STN1: variants seen among roughly 807,000 people sequenced by gnomAD.
STN1 encodes STN1 subunit of CST complex.
STN1 carries 29 observed loss-of-function variants against 45.5 expected under a neutral mutation model. The observed-to-expected ratio is 0.64, with a 90% CI of 0.47 to 0.87. STN1 has a LOEUF of 0.87. Ranked by LOEUF, STN1 falls within the 40% of genes least tolerant of loss-of-function variation. STN1 has a pLI of 0.00. For missense variants in STN1, 376 were observed against 441.4 expected (o/e 0.85, Z 1.33); for synonymous variants, 148 against 159.0 (o/e 0.93, Z 0.52).
At chr10:103,904,137 T>C (rs2134369680) in intron 4 of STN1, among the ~76,000 whole-genome samples, 1 of 152,286 alleles carries the variant, frequency 6.6e-6, no homozygotes, top group South Asian at 2.1e-4. Context: ...AGTAGATAGA[T>C]ACTAGATGTT....
intron 5 of STN1, among the ~76,000 whole-genome samples, chr10:103,899,615 A>G (rs2134366308): frequency 6.6e-6 from 1 of 152,282 alleles, no homozygotes; most frequent in South Asian, 2.1e-4. Context: ...TGAGCCCAGG[A>G]ATTTGAGGCT....
chr10:103,877,720 A>C lies in STN1; in HGVS notation c.*4964T>G, dbSNP rs1291571840. 1 of 152,254 alleles carries C rather than the reference A, an allele frequency of 6.6e-6. No individual in the cohort carries two copies. The highest frequency in any genetic ancestry group is 2.4e-5 in the African/African-American group (1 of 41,478). The allele number at this position is 152,254 out of a possible 1,614,324, so 9.4% of individuals were successfully genotyped here. ...GTTTGAGCTCACATTTACAGCCTCC[A>C]CCAGCAGAAATCATGCAAATAAGAA... On this transcript the variant is annotated 3_prime_UTR_variant, in exon 10 of 10. Coordinates refer to ENST00000224950, the MANE Select transcript of STN1 (RefSeq NM_024928.5).
rs1210351560 is a variant in STN1, at chr10:103,898,983, C to G, written c.475G>C (p.Val159Leu). 6.2e-7 allele frequency: 1 copy of G among 1,614,004 alleles called. No individual in the cohort carries two copies. The highest frequency in any genetic ancestry group is 8.5e-7 in the Non-Finnish European group (1 of 1,179,996). The change falls in exon 6 of 10, where the codon GTG (valine) becomes CTG (leucine). Residue 159 changes from valine to leucine, a missense_variant. Coordinates refer to ENST00000224950, the MANE Select transcript of STN1 (RefSeq NM_024928.5). ...ATCCTTGCAATTTGAATGTTCCACA[C>G]TGGGTCGTCCACTTTATCTAACAAG... is the stretch of plus-strand genomic sequence containing the variant. ...ATTYYKVDDP[V>L]WNIQIARMLE...
At chr10:103,901,027 A>G (rs968657088) in intron 4 of STN1, among the ~76,000 whole-genome samples, 1 of 152,204 alleles carries the variant, frequency 6.6e-6, no homozygotes, top group African/African-American at 2.4e-5. Flanking sequence ...GAGGTCAAGC[A>G]ACTTGCCCAA....
chr10:103,898,784 G>C, intron 6 of STN1, 93 bp downstream of exon 6: 1 of 1,479,660 alleles, frequency 6.8e-7, no homozygotes, highest in Non-Finnish European at 9.3e-7. Context: ...GGATGATTCG[G>C]GATTTGAACC....
At chr10:103,886,033 C>G (rs1040861725) in intron 9 of STN1, among the ~76,000 whole-genome samples, 2 of 152,064 alleles carry the variant, frequency 1.3e-5, no homozygotes, top group East Asian at 3.8e-4. Flanking sequence ...ACTACTATAA[C>G]TACAAAAGGT....
chr10:103,886,399 A>T (rs1589495901), intron 9 of STN1, among the ~76,000 whole-genome samples: 1 of 148,554 alleles, frequency 6.7e-6, no homozygotes, highest in African/African-American at 2.5e-5. Flanking sequence ...CAGTCTTTTA[A>T]TTTTTTTTTT....
At chr10:103,887,982 T>C (rs973147590) in intron 9 of STN1, among the ~76,000 whole-genome samples, 2 of 152,216 alleles carry the variant, frequency 1.3e-5, no homozygotes, top group Non-Finnish European at 2.9e-5. Flanking sequence ...CAAAAGCTCC[T>C]TCAATTGTGG....
At position 103,881,793 on chromosome 10, in the gene STN1, T is replaced by C. The variant is rs1441531700; in HGVS notation, c.*891A>G. ...ACAGGCCTACAACATACCTCAGATG[T>C]TTTTCCTTTACCTTGTCATTCTGAG... On this transcript the variant is annotated 3_prime_UTR_variant, in exon 10 of 10. Coordinates refer to ENST00000224950, the MANE Select transcript of STN1 (RefSeq NM_024928.5). Among the ~76,000 whole-genome samples, 3 of 152,204 alleles carry C rather than the reference T, an allele frequency of 2.0e-5. No individual in the cohort carries two copies. The highest frequency in any genetic ancestry group is 1.9e-4 in the East Asian group (1 of 5,196).
At chr10:103,911,973 G>A (rs1474161135) in intron 2 of STN1, among the ~76,000 whole-genome samples, 1 of 152,070 alleles carries the variant, frequency 6.6e-6, no homozygotes, top group Non-Finnish European at 1.5e-5. Context: ...ATAAGAGGTG[G>A]CAAATTTAGC....
At chr10:103,895,948 A>G (rs1843168321) in intron 7 of STN1, among the ~76,000 whole-genome samples, 1 of 152,180 alleles carries the variant, frequency 6.6e-6, no homozygotes, top group African/African-American at 2.4e-5. Context: ...CGTCAATGAA[A>G]AGTGTGGTGT....
At chr10:103,894,996 C>A (rs1564632653) in intron 7 of STN1, among the ~76,000 whole-genome samples, 1 of 152,176 alleles carries the variant, frequency 6.6e-6, no homozygotes, top group Non-Finnish European at 1.5e-5. Context: ...TTCTGTTAAG[C>A]TTTCATCTGT....
At chr10:103,910,699 G>A in intron 2 of STN1, 77 bp from the exon 3 acceptor site, 1 of 747,776 alleles carries the variant, frequency 1.3e-6, no homozygotes, top group Non-Finnish European at 2.3e-6. Context: ...CTTGTAGGGG[G>A]GAAGGGAGTG....
chr10:103,911,490 C>T (rs1265166), intron 2 of STN1, among the ~76,000 whole-genome samples: 72 of 152,112 alleles, frequency 4.7e-4, no homozygotes, highest in African/African-American at 1.3e-3. Flanking sequence ...GCCCCCATGA[C>T]GGCTAAATTC....
At chr10:103,906,878 C>A (rs1333848436) in intron 3 of STN1, among the ~76,000 whole-genome samples, 1 of 151,992 alleles carries the variant, frequency 6.6e-6, no homozygotes, top group Non-Finnish European at 1.5e-5. Flanking sequence ...ATACTGATAC[C>A]CTCATATGTC....
At chr10:103,909,484 ATATGTGTGTGTG>A (rs1564635124) in intron 3 of STN1, among the ~76,000 whole-genome samples, 1 of 70,670 alleles carries the variant, frequency 1.4e-5, no homozygotes, top group Non-Finnish European at 3.1e-5. Flanking sequence ...ATATGTATAT[ATATGTGTGTGTG>A]TATATGTATA....
rs767152341 is a variant in STN1 at position 103,880,285 on chromosome 10, A to G, written c.*2399T>C. Among the ~76,000 whole-genome samples, 4 of 152,198 alleles carry G rather than the reference A, an allele frequency of 2.6e-5. No individual in the cohort carries two copies. Among genetic ancestry groups the G allele is most frequent in the Non-Finnish European group, 5.9e-5 (4 of 68,034 alleles). On this transcript the variant is annotated 3_prime_UTR_variant, in exon 10 of 10. Coordinates refer to ENST00000224950, the MANE Select transcript of STN1 (RefSeq NM_024928.5). ...ATGGGCTCAGAATGGGGGGAGGGGC[A>G]GGCTGTAGGTATTACTGGAAAAGGC...
At chr10:103,905,815 T>C (rs1276361610) in intron 3 of STN1, among the ~76,000 whole-genome samples, 2 of 152,220 alleles carry the variant, frequency 1.3e-5, no homozygotes, top group Non-Finnish European at 2.9e-5. Context: ...AGTACTAGTC[T>C]GGCTTATGTT....
rs147663272 is a variant in STN1, at chr10:103,910,535, C to A, written c.221G>T (p.Ser74Ile). 3.8e-6 allele frequency: 6 copies of A among 1,595,416 alleles called. No homozygotes were observed. The South Asian group carries it at 4.4e-5, about 12-fold the overall frequency. ...GACACAATTGTTCTTACCTCCATAA[C>A]TGTAGAAAGCATCTCTTTCTCTCAC... ...IGVRERDAFY[S>I]YGVDDSTGVI... Residue 74 changes from serine to isoleucine, a missense_variant, in exon 3 of 10, where the codon AGT becomes ATT. Ser to Ile is a moderately radical substitution (Grantham distance 142). Transcript: ENST00000224950.
Sources: gnomAD v4.1 joint callset for allele counts (sites outside exome capture counted in the v4.1 genomes callset) on GRCh38, gnomAD v4.1.1 for gene constraint, MANE v1.5 for transcripts, NCBI Gene and HGNC (gene_info 2026-07-23, HGNC 2026-07-21) for gene names.